EYA3: variants seen among roughly 807,000 people sequenced by gnomAD.
EYA3 encodes EYA transcriptional coactivator and phosphatase 3, also known as protein phosphatase EYA3.
EYA3 carries 39 observed loss-of-function variants against 80.0 expected under a neutral mutation model. The ratio of observed to expected loss-of-function variants is 0.49; its 90% CI spans 0.38 to 0.64. EYA3 has a LOEUF of 0.64. Ranked by LOEUF, EYA3 falls within the 30% of genes least tolerant of loss-of-function variation. The pLI is 0.00. For missense variants in EYA3, 523 were observed against 676.1 expected, an observed-to-expected ratio of 0.77 and a Z score of 2.51; for synonymous variants, 206 against 232.8, an observed-to-expected ratio of 0.88 and a Z score of 1.05.
intron 1 of EYA3, among the ~76,000 whole-genome samples, chr1:28,061,363 A>T (rs1355309690): frequency 6.6e-6 from 1 of 152,242 alleles, no homozygotes; most frequent in African/African-American, 2.4e-5. Context: ...GAATGCAAGT[A>T]TTCATCACAG....
Position 28,013,250 on chromosome 1 carries a change from G to A in EYA3, c.630C>T (p.Ala210=). The A allele has an allele frequency of 6.2e-7, 1 of 1,614,124 alleles. No homozygotes were observed. Among genetic ancestry groups the A allele is most frequent in the Non-Finnish European group, 8.5e-7 (1 of 1,179,990 alleles). Residue 210 remains alanine, a synonymous_variant, in exon 9 of 18, where the codon GCC becomes GCT. Coordinates refer to ENST00000373871, the MANE Select transcript of EYA3 (RefSeq NM_001990.4). The surrounding 1 kb of genome is among the most constrained non-coding windows in gnomAD (Gnocchi z 4.0). ...YTILGQNQYQ[A]CYPSSSFGVT... ...CTCCAAAGCTGGAGCTGGGGTAGCA[G>A]GCCTGGTACTGATTCTGACCAAGAA...
chr1:28,004,532 A>G (rs1315454001), intron 10 of EYA3, 113 bp from the exon 11 acceptor site: 4 of 688,352 alleles, frequency 5.8e-6, no homozygotes, highest in Non-Finnish European at 9.8e-6. Flanking sequence ...GGAATTAAAC[A>G]ATACAATCCT....
At position 28,013,176 on chromosome 1, in the gene EYA3, G is replaced by A. The variant is rs1641810090; in HGVS notation, c.704C>T (p.Thr235Ile). 2 of 1,614,018 alleles carry A rather than the reference G, an allele frequency of 1.2e-6. No homozygotes were observed. ...ACTAGGCTTCTCCGACTGGTATGTGGTTGCTGCTAATGTGGTGCTCTCTGC... is the reference window on the plus strand; with the variant it reads ...ACTAGGCTTCTCCGACTGGTATGTGATTGCTGCTAATGTGGTGCTCTCTGC... Reference protein sequence around the residue: ...SDAESTTLAATTYQSEKPSVM... With the variant: ...SDAESTTLAAITYQSEKPSVM... The change falls in exon 9 of 18, where the codon ACC becomes ATC. Residue 235 changes from threonine to isoleucine, a missense_variant. Physicochemically the swap from Thr to Ile is moderately conservative, Grantham distance 89. Transcript: ENST00000373871. The surrounding 1 kb of genome is among the most constrained non-coding windows in gnomAD (Gnocchi z 4.0).
intron 1 of EYA3, among the ~76,000 whole-genome samples, chr1:28,060,562 G>A (rs887450643): frequency 6.6e-6 from 1 of 152,156 alleles, no homozygotes; most frequent in Non-Finnish European, 1.5e-5. Context: ...TCTGTAAGCT[G>A]CAAGAAAACC....
At chr1:28,078,800 C>G (rs1263307024) in intron 1 of EYA3, among the ~76,000 whole-genome samples, 1 of 152,176 alleles carries the variant, frequency 6.6e-6, no homozygotes, top group Non-Finnish European at 1.5e-5. Context: ...AACTAAGGCA[C>G]AGAGAGTAAC....
chr1:28,064,221 C>G (rs143020616), intron 1 of EYA3, among the ~76,000 whole-genome samples: 1 of 151,946 alleles, frequency 6.6e-6, no homozygotes, highest in Non-Finnish European at 1.5e-5. Context: ...TCCATTGAGA[C>G]GTTGCTTTCA....
chr1:27,975,550 A>G (rs2148696375), intron 17 of EYA3, among the ~76,000 whole-genome samples: 1 of 148,826 alleles, frequency 6.7e-6, no homozygotes, highest in African/African-American at 2.5e-5. Flanking sequence ...CAGTGGCACG[A>G]TCTCAGCTCA....
intron 1 of EYA3, among the ~76,000 whole-genome samples, chr1:28,079,831 T>C (rs1645358343): frequency 6.6e-6 from 1 of 151,442 alleles, no homozygotes; most frequent in South Asian, 2.1e-4. Flanking sequence ...GGTCTCGCTA[T>C]GTTGCCCAGG....
intron 1 of EYA3, among the ~76,000 whole-genome samples, chr1:28,071,456 A>T (rs1645018545): frequency 6.6e-6 from 1 of 152,228 alleles, no homozygotes; most frequent in African/African-American, 2.4e-5. Flanking sequence ...CTAAATATTT[A>T]ATTTTTAACT....
chr1:28,035,586 C>T lies in EYA3; in HGVS notation c.319G>A (p.Val107Ile), dbSNP rs753685859. The change falls in exon 6 of 18, where the codon GTC (valine) becomes ATC (isoleucine). Residue 107 changes from valine (V) to isoleucine (I), a missense_variant. Val to Ile is a conservative substitution (Grantham distance 29). This residue lies in a region of EYA3 where 304 missense variants were observed against 343.3 expected (regional missense o/e 0.89). Coordinates refer to ENST00000373871, the MANE Select transcript of EYA3 (RefSeq NM_001990.4). ...QTLQQTQPYA[V>I]YPQATQTYGL... is the part of the protein sequence containing the mutation. ...TACGTTTGGGTTGCCTGAGGGTAGA[C>T]AGCATAGGGTTGAGTCTGCTGTAGT... The T allele has an allele frequency of 1.9e-6, 3 of 1,614,030 alleles. No individual in the cohort carries two copies. Among genetic ancestry groups the T allele is most frequent in the East Asian group, 4.5e-5 (2 of 44,856 alleles).
At chr1:27,993,256 T>C in intron 14 of EYA3, 144 bp downstream of exon 14, 2 of 866,244 alleles carry the variant, frequency 2.3e-6, no homozygotes. Flanking sequence ...CAACCAAACC[T>C]CTATTTTTTT....
chr1:28,031,728 T>C (rs1215370553), intron 6 of EYA3, among the ~76,000 whole-genome samples: 1 of 152,228 alleles, frequency 6.6e-6, no homozygotes, highest in Non-Finnish European at 1.5e-5. Flanking sequence ...CAGCAGCTCA[T>C]TTGGATAGGC....
intron 17 of EYA3, among the ~76,000 whole-genome samples, chr1:27,977,926 T>A (rs993543245): frequency 6.6e-5 from 10 of 151,200 alleles, no homozygotes; most frequent in Admixed American, 5.9e-4. Flanking sequence ...GGGGTTAACA[T>A]CAGAACAATC....
chr1:27,986,830 G>A (rs1322362654), intron 16 of EYA3, among the ~76,000 whole-genome samples: 2 of 152,204 alleles, frequency 1.3e-5, no homozygotes, highest in African/African-American at 2.4e-5. Flanking sequence ...AGCCTCCTGA[G>A]TAGCTAGGAC....
At chr1:28,012,180 C>A (rs745323780) in intron 9 of EYA3, among the ~76,000 whole-genome samples, 1 of 152,158 alleles carries the variant, frequency 6.6e-6, no homozygotes, top group Non-Finnish European at 1.5e-5. Context: ...AAGTTGATAA[C>A]TGTTGAAGAT....
At chr1:28,008,851 C>T (rs986948279) in intron 10 of EYA3, among the ~76,000 whole-genome samples, 4 of 151,978 alleles carry the variant, frequency 2.6e-5, no homozygotes, top group African/African-American at 9.7e-5. Context: ...GGCTGAGGCA[C>T]AAGAATTGCT....
intron 7 of EYA3, among the ~76,000 whole-genome samples, chr1:28,020,243 A>G (rs1481269527): frequency 6.6e-6 from 1 of 152,202 alleles, no homozygotes; most frequent in East Asian, 1.9e-4. Flanking sequence ...GTTTTTAACA[A>G]GTACTGTATT....
rs1215578154 is a variant in EYA3 at position 28,064,372 on chromosome 1, CTCTCTCTA to C, written c.-68-6286_-68-6279del. ...GAAGCAAGCCATCCTCTCTCTCTCTCTCTCTCTATATATATATATATAAATATATAGAG... is the reference window on the plus strand; with the variant it reads ...GAAGCAAGCCATCCTCTCTCTCTCTCTATATATATATATAAATATATAGAG... On this transcript the variant is annotated intron_variant, in intron 1 of 17. Transcript: ENST00000373871. 9.6e-3 allele frequency among the ~76,000 whole-genome samples: 1,124 copies of C among 116,672 alleles called. 11 individuals carry two copies. Among genetic ancestry groups the C allele is most frequent in the Middle Eastern group, 0.045 (11 of 244 alleles). 76.5% of individuals were successfully genotyped at this position (116,672 alleles called of 152,430 possible).
intron 2 of EYA3, among the ~76,000 whole-genome samples, chr1:28,052,787 C>T (rs938626052): frequency 1.2e-4 from 18 of 151,674 alleles, no homozygotes; most frequent in Admixed American, 1.1e-3. Context: ...ACTAAAAATA[C>T]AAAAATTAGC....
Sources: gnomAD v4.1 joint callset for allele counts (sites outside exome capture counted in the v4.1 genomes callset) on GRCh38, gnomAD v4.1.1 for gene constraint, gnomAD v4.1.1 regional missense constraint, Gnocchi (gnomAD v3.1) non-coding constraint, MANE v1.5 for transcripts, NCBI Gene and HGNC (gene_info 2026-07-23, HGNC 2026-07-21) for gene names.